Variants in KREMEN1 observed in about 807,000 individuals in gnomAD.
KREMEN1 encodes kringle containing transmembrane protein 1.
In KREMEN1, 30 loss-of-function variants were observed where a neutral mutation model predicts 46.5. The observed-to-expected ratio is 0.65, with a 90% confidence interval of 0.48 to 0.88. KREMEN1 has a LOEUF of 0.88. Ranked by LOEUF, KREMEN1 falls within the 40% of genes least tolerant of loss-of-function variation. The pLI is 0.00. For synonymous variants in KREMEN1, 214 were observed against 230.6 expected (o/e 0.93, Z 0.65); for missense variants, 533 against 596.9 (o/e 0.89, Z 1.11).
rs376833977 is a variant in KREMEN1, at chr22:29,138,020, C to T, written c.964+346C>T. On this transcript the variant is annotated intron_variant, in intron 6 of 8. Transcript: ENST00000400335. ...AAGGTTATCAAAAGGTCATCTGGTC[C>T]GTCCTCCTTCCTCTAAACATCCTAG... Among the ~76,000 whole-genome samples the T allele has an allele frequency of 1.8e-4, 28 of 152,322 alleles. No homozygotes were observed. In the East Asian group the frequency reaches 1.9e-3, roughly 10 times the overall value.
intron 7 of KREMEN1, among the ~76,000 whole-genome samples, chr22:29,139,996 C>G (rs1469940404): frequency 6.6e-6 from 1 of 152,198 alleles, no homozygotes; most frequent in African/African-American, 2.4e-5. Flanking sequence ...GTGGCAGAGA[C>G]AAAATGCATG....
At chr22:29,140,200 A>T in intron 7 of KREMEN1, 82 bp from the exon 8 acceptor site, 1 of 1,033,198 alleles carries the variant, frequency 9.7e-7, no homozygotes, top group Non-Finnish European at 1.5e-6. Context: ...AGCCAGACTT[A>T]CTCACTTGGG....
intron 9 of KREMEN1, among the ~76,000 whole-genome samples, chr22:29,151,827 T>A (rs960869934): frequency 6.6e-6 from 1 of 151,890 alleles, no homozygotes; most frequent in Non-Finnish European, 1.5e-5. Flanking sequence ...CTGGCCAACA[T>A]GGTGAAACCC....
At chr22:29,083,842 GA>G (rs953685433) in intron 1 of KREMEN1, among the ~76,000 whole-genome samples, 3 of 151,588 alleles carry the variant, frequency 2.0e-5, no homozygotes, top group African/African-American at 7.3e-5. Context: ...AAAAAAAAAA[GA>G]AAGAATTCAG....
intron 5 of KREMEN1, among the ~76,000 whole-genome samples, chr22:29,133,276 G>T (rs975511505): frequency 6.7e-6 from 1 of 149,882 alleles, no homozygotes; most frequent in Non-Finnish European, 1.5e-5. Context: ...AAAGAAAAAA[G>T]ATTTTATCTT....
In KREMEN1 at chr22:29,121,351, CT is replaced by C. The variant is rs774594920; in HGVS notation, c.353-3del. The C allele has an allele frequency of 6.2e-7, 1 of 1,611,870 alleles. No individual in the cohort carries two copies. The highest frequency in any genetic ancestry group is 1.7e-5 in the Admixed American group (1 of 59,476). On this transcript the variant is annotated splice_region_variant and splice_polypyrimidine_tract_variant and intron_variant, in intron 3 of 8. Transcript: ENST00000400335. ...CGAAATTCTTTTGTTTTTCTTTTTTCTTTAGTGCCTGGAAACCTTGGCTGCT... is the reference window on the plus strand; with the variant it reads ...CGAAATTCTTTTGTTTTTCTTTTTTCTTAGTGCCTGGAAACCTTGGCTGCT...
intron 4 of KREMEN1, among the ~76,000 whole-genome samples, chr22:29,124,933 G>C (rs969592713): frequency 6.6e-6 from 1 of 152,202 alleles, no homozygotes; most frequent in South Asian, 2.1e-4. Flanking sequence ...CTCACTGCCT[G>C]GCTCATAGTA....
chr22:29,113,486 G>T (rs983633839), intron 3 of KREMEN1, among the ~76,000 whole-genome samples: 2 of 152,202 alleles, frequency 1.3e-5, no homozygotes, highest in African/African-American at 4.8e-5. Context: ...AAGCCTTATT[G>T]TATATAATGA....
rs73390888 is a variant in KREMEN1 at position 29,094,393 on chromosome 22, G to A, written c.233G>A (p.Gly78Glu). Residue 78 changes from glycine (G) to glutamate (E), a missense_variant, in exon 2 of 9, where the codon GGG becomes GAG. By Grantham distance (98) the Gly-to-Glu change is moderately conservative (BLOSUM62 -2). Transcript: ENST00000400335. Reference sequence around the variant, plus strand: ...ACTCTGAAATACCCCAACGGGGAGGGGGGCCTGGGTGAGCACAACTATTGC... The same window carrying A: ...ACTCTGAAATACCCCAACGGGGAGGAGGGCCTGGGTGAGCACAACTATTGC... Reference protein sequence around the residue: ...YNTLKYPNGEGGLGEHNYCRN... With the variant: ...YNTLKYPNGEEGLGEHNYCRN... The A allele has an allele frequency of 6.2e-6, 10 of 1,613,582 alleles. No homozygotes were observed. In the African/African-American group the frequency reaches 1.2e-4, roughly 19 times the overall value.
intron 3 of KREMEN1, among the ~76,000 whole-genome samples, chr22:29,104,637 T>G (rs966569568): frequency 2.0e-5 from 3 of 152,230 alleles, no homozygotes; most frequent in African/African-American, 4.8e-5. Context: ...CTGGGCGCAG[T>G]GGCTCACGCC....
chr22:29,103,977 G>A (rs1052434932), intron 3 of KREMEN1, among the ~76,000 whole-genome samples: 1 of 151,954 alleles, frequency 6.6e-6, no homozygotes, highest in Non-Finnish European at 1.5e-5. Context: ...AAAAAAAAGT[G>A]GATTATTTGT....
Position 29,125,021 on chromosome 22 carries a change from G to T in KREMEN1, c.478-242G>T, listed in dbSNP as rs567660370. 5.3e-5 allele frequency among the ~76,000 whole-genome samples: 8 copies of T among 152,266 alleles called. No individual in the cohort carries two copies. In the South Asian group the frequency reaches 1.7e-3, roughly 32 times the overall value. The stretch of plus-strand genomic sequence containing the variant: ...TCTCCCCCTTAAAACTTACTGAAGT[G>T]CAGTAGAAACACAAACATTAAAAAG... On this transcript the variant is annotated intron_variant, in intron 4 of 8. Transcript: ENST00000400335.
intron 7 of KREMEN1, among the ~76,000 whole-genome samples, chr22:29,140,012 C>T (rs1420900753): frequency 1.3e-5 from 2 of 151,918 alleles, no homozygotes; most frequent in Admixed American, 6.5e-5. Flanking sequence ...GCATGTCATC[C>T]CTTTAGATTC....
intron 3 of KREMEN1, among the ~76,000 whole-genome samples, chr22:29,117,427 C>T (rs562456419): frequency 2.0e-5 from 3 of 152,106 alleles, no homozygotes; most frequent in South Asian, 2.1e-4. Context: ...ATTAGCCGGG[C>T]GTGGTGGCGG....
downstream of KREMEN1, among the ~76,000 whole-genome samples, chr22:29,149,795 G>C (rs2038900923): frequency 6.6e-6 from 1 of 152,142 alleles, no homozygotes; most frequent in Non-Finnish European, 1.5e-5. Context: ...TCCTGAACCT[G>C]ACAGATGCAG....
rs80332219 is a variant in KREMEN1 at position 29,108,584 on chromosome 22, A to G, written c.352+9631A>G. On this transcript the variant is annotated intron_variant, in intron 3 of 8. Transcript: ENST00000400335. ...AAGTACCAACAGGTATTGTGATGGTATGCTCTCCCCAGGGAATGGACTACC... is the reference window on the plus strand; with the variant it reads ...AAGTACCAACAGGTATTGTGATGGTGTGCTCTCCCCAGGGAATGGACTACC... 2.6e-3 allele frequency among the ~76,000 whole-genome samples: 393 copies of G among 152,328 alleles called. 2 individuals are homozygous for G. Among genetic ancestry groups the G allele is most frequent in the Middle Eastern group, 6.8e-3 (2 of 294 alleles).
chr22:29,127,646 C>T (rs1484301882), intron 5 of KREMEN1, among the ~76,000 whole-genome samples: 2 of 151,776 alleles, frequency 1.3e-5, no homozygotes, highest in Non-Finnish European at 2.9e-5. Context: ...GAGCGAGACT[C>T]CATCTCAAAA....
chr22:29,142,725 G>C lies in KREMEN1; in HGVS notation c.*613G>C, dbSNP rs1397650148. ...AGGGTGGGCCTCCTTCAGCCTGGGA[G>C]GGTCTGAGAATAAGATCTAGTGACC... On this transcript the variant is annotated 3_prime_UTR_variant, in exon 9 of 9. Transcript: ENST00000400335. 1.1e-5 allele frequency: 11 copies of C among 985,504 alleles called. No individual in the cohort carries two copies. The highest frequency in any genetic ancestry group is 9.6e-6 in the Non-Finnish European group (8 of 829,974). The allele number at this position is 985,504 out of a possible 1,614,324, so 61.0% of individuals were successfully genotyped here. A position where few individuals can be genotyped will look rare whatever the true frequency, so the allele number is the denominator to read the frequency against.
chr22:29,121,098 GT>G (rs11396782), intron 3 of KREMEN1, among the ~76,000 whole-genome samples: 16,571 of 146,548 alleles, frequency 0.11, 1,337 homozygotes, highest in East Asian at 0.32. Context: ...ATATTAAACA[GT>G]TTTTTTTTTT....
Sources: allele counts gnomAD v4.1 joint callset (sites outside exome capture counted in the v4.1 genomes callset), GRCh38; gene constraint gnomAD v4.1.1; transcripts MANE v1.5; gene names NCBI Gene and HGNC (gene_info 2026-07-23, HGNC 2026-07-21).